Variants in MRC1 observed in about 807,000 individuals in gnomAD.
MRC1 encodes macrophage mannose receptor 1.
Under a neutral mutation model 102.9 loss-of-function variants are expected in MRC1, and 62 were observed. That is an observed-to-expected ratio of 0.60 (90% CI 0.49 to 0.74). The LOEUF (loss-of-function observed/expected upper bound fraction) is 0.74, where lower values mean the gene tolerates loss of function less well. MRC1 is among the 30% of genes least tolerant of loss of function. The probability of loss-of-function intolerance (pLI) is 0.00; values close to 1 mark genes in which losing one functional copy is unlikely to be tolerated. For missense variants in MRC1, 1,237 were observed against 862.8 expected (o/e 1.43, Z -5.43); for synonymous variants, 457 against 298.4 (o/e 1.53, Z -5.48).
chr10:17,835,146 A>T (rs1414305095), intron 4 of MRC1, among the ~76,000 whole-genome samples: 2 of 152,096 alleles, frequency 1.3e-5, no homozygotes, highest in African/African-American at 2.4e-5. Flanking sequence ...TCACCCTCAC[A>T]TCTTTTCCCA....
At chr10:17,885,818 T>A (rs1414137432) in intron 22 of MRC1, among the ~76,000 whole-genome samples, 1 of 147,810 alleles carries the variant, frequency 6.8e-6, no homozygotes, top group African/African-American at 2.4e-5. Flanking sequence ...CATATGATCA[T>A]CATCCATCAT....
intron 24 of MRC1, among the ~76,000 whole-genome samples, chr10:17,899,108 CA>C (rs1303232562): frequency 4.9e-4 from 70 of 141,414 alleles, no homozygotes; most frequent in Middle Eastern, 3.7e-3. Context: ...ATCAAGAAGA[CA>C]AAAAAAAAAA....
At chr10:17,833,632 T>C in intron 3 of MRC1, 43 bp from the exon 4 acceptor site, 1 of 781,022 alleles carries the variant, frequency 1.3e-6, no homozygotes, top group Non-Finnish European at 2.4e-6. Flanking sequence ...TGGAAGTGTT[T>C]TCTATGCATA....
chr10:17,810,097 A>G (rs1421349102), intron 1 of MRC1, among the ~76,000 whole-genome samples: 27 of 152,144 alleles, frequency 1.8e-4, no homozygotes, highest in Admixed American at 1.8e-3. Flanking sequence ...ATTCTAGACT[A>G]TTCAAACTGC....
intron 1 of MRC1, among the ~76,000 whole-genome samples, chr10:17,812,658 G>C (rs1473346769): frequency 7.1e-6 from 1 of 141,318 alleles, no homozygotes; most frequent in Admixed American, 7.8e-5. Context: ...TGCAACCTCT[G>C]CCTCGTGGGT....
intron 1 of MRC1, among the ~76,000 whole-genome samples, chr10:17,810,833 C>T (rs1420559785): frequency 6.6e-6 from 1 of 152,184 alleles, no homozygotes; most frequent in African/African-American, 2.4e-5. Flanking sequence ...CATTTTGTTG[C>T]CCAGGCTGCA....
chr10:17,811,407 A>G (rs1391645113), intron 1 of MRC1, among the ~76,000 whole-genome samples: 1 of 152,144 alleles, frequency 6.6e-6, no homozygotes, highest in African/African-American at 2.4e-5. Flanking sequence ...TGACAGCAGG[A>G]TGCCCTCCTC....
intron 18 of MRC1, among the ~76,000 whole-genome samples, chr10:17,878,881 G>A (rs890221997): frequency 6.6e-6 from 1 of 152,044 alleles, no homozygotes; most frequent in Non-Finnish European, 1.5e-5. Flanking sequence ...GACAAGGAAC[G>A]CCATTTTATC....
intron 12 of MRC1, among the ~76,000 whole-genome samples, chr10:17,869,395 T>G (rs2130674027): frequency 6.6e-6 from 1 of 152,220 alleles, no homozygotes; most frequent in East Asian, 1.9e-4. Context: ...TGTCTTCGGC[T>G]GCTTAATGAC....
chr10:17,811,851 T>C (rs1343453169), intron 1 of MRC1, among the ~76,000 whole-genome samples: 1 of 152,190 alleles, frequency 6.6e-6, no homozygotes, highest in Non-Finnish European at 1.5e-5. Context: ...CCTCCCATAG[T>C]GCAGGATGAT....
intron 18 of MRC1, among the ~76,000 whole-genome samples, chr10:17,878,809 T>G (rs1833472647): frequency 6.6e-6 from 1 of 152,096 alleles, no homozygotes; most frequent in African/African-American, 2.4e-5. Context: ...ATGACGGACA[T>G]GCACCACCAT....
At chr10:17,872,779 C>G (rs998423958) in intron 15 of MRC1, among the ~76,000 whole-genome samples, 2 of 152,172 alleles carry the variant, frequency 1.3e-5, no homozygotes, top group African/African-American at 4.8e-5. Flanking sequence ...GATCCGAGTT[C>G]TAATGTTAAG....
intron 4 of MRC1, among the ~76,000 whole-genome samples, chr10:17,836,305 G>T (rs1816978921): frequency 6.6e-6 from 1 of 152,178 alleles, no homozygotes; most frequent in East Asian, 1.9e-4. Flanking sequence ...TAGAGATAGG[G>T]TTCTTCCTCT....
chr10:17,859,638 G>C (rs1018709825), intron 9 of MRC1, among the ~76,000 whole-genome samples: 42 of 152,084 alleles, frequency 2.8e-4, no homozygotes, highest in Non-Finnish European at 5.1e-4. Flanking sequence ...TTTTGGTTGT[G>C]ATTTAGTGAC....
intron 22 of MRC1, 60 bp downstream of exon 22, chr10:17,885,495 T>A (rs1833579951): frequency 2.6e-6 from 2 of 769,630 alleles, no homozygotes; most frequent in Admixed American, 3.4e-5. Flanking sequence ...GGTTATCATC[T>A]TATTGATTAC....
chr10:17,837,792 G>T (rs2130620479), intron 4 of MRC1, among the ~76,000 whole-genome samples: 1 of 152,004 alleles, frequency 6.6e-6, no homozygotes, highest in African/African-American at 2.4e-5. Flanking sequence ...GTAGACACAG[G>T]GTTTCACCAT....
In MRC1 at chr10:17,827,455, C is replaced by G. The variant is rs549723073; in HGVS notation, c.464-87C>G. 4,461 of 616,672 alleles carry G rather than the reference C, an allele frequency of 7.2e-3. 210 individuals carry two copies. In the African/African-American group the frequency reaches 0.079, roughly 11 times the overall value. The allele number at this position is 616,672 out of a possible 1,614,324, so 38.2% of individuals were successfully genotyped here. A position where few individuals can be genotyped will look rare whatever the true frequency, so the allele number is the denominator to read the frequency against. ...ATCAAGTGTAATCAGAACAGTAAGA[C>G]CAATTCCTTCAGTAGGCTTCTTATT... On this transcript the variant is annotated intron_variant, in intron 2 of 29. Coordinates refer to ENST00000569591, the MANE Select transcript of MRC1 (RefSeq NM_002438.4).
intron 26 of MRC1, among the ~76,000 whole-genome samples, chr10:17,902,844 G>A (rs1334256285): frequency 5.3e-5 from 8 of 152,122 alleles, no homozygotes; most frequent in Non-Finnish European, 1.0e-4. Context: ...AGGTTTATCC[G>A]AGGCACGATT....
intron 1 of MRC1, among the ~76,000 whole-genome samples, chr10:17,812,213 C>G (rs1838234227): frequency 6.6e-6 from 1 of 152,166 alleles, no homozygotes; most frequent in Non-Finnish European, 1.5e-5. Flanking sequence ...GGGCTAGACG[C>G]TCACCTTTCC....
Sources: allele counts gnomAD v4.1 joint callset (sites outside exome capture counted in the v4.1 genomes callset), GRCh38; gene constraint gnomAD v4.1.1; transcripts MANE v1.5; gene names NCBI Gene and HGNC (gene_info 2026-07-23, HGNC 2026-07-21).